The following GSE1 variants were observed in gnomAD, a reference collection of about 807,000 sequenced individuals.
GSE1 encodes the protein Gse1 coiled-coil protein.
Under a neutral mutation model 112.6 loss-of-function variants are expected in GSE1, and 32 were observed. The observed-to-expected ratio is 0.28, with a 90% CI of 0.21 to 0.38. The LOEUF (loss-of-function observed/expected upper bound fraction) is 0.38, where lower values mean the gene tolerates loss of function less well. GSE1 is among the 10% of genes least tolerant of loss of function. The probability of loss-of-function intolerance (pLI) is 1.00; values close to 1 mark genes in which losing one functional copy is unlikely to be tolerated. For missense variants in GSE1, 2,348 were observed against 1,699.2 expected (o/e 1.38, Z -6.71); for synonymous variants, 1,115 against 735.6 (o/e 1.52, Z -8.35).
intron 2 of GSE1, among the ~76,000 whole-genome samples, chr16:85,529,269 G>A (rs891846408): frequency 6.6e-6 from 1 of 152,210 alleles, no homozygotes; most frequent in Non-Finnish European, 1.5e-5. Context: ...AGGCCACGTC[G>A]GTGGCTCCGT....
intron 1 of GSE1, among the ~76,000 whole-genome samples, chr16:85,233,619 TGTGTGTGTGCATGTG>T (rs1235173741): frequency 2.0e-5 from 3 of 152,112 alleles, no homozygotes; most frequent in African/African-American, 7.2e-5. Flanking sequence ...CCTCTGCATG[TGTGTGTGTGCATGTG>T]GTGTGTGTGG....
intron 1 of GSE1, among the ~76,000 whole-genome samples, chr16:85,243,985 G>GT (rs1471640866): frequency 1.3e-5 from 2 of 152,180 alleles, no homozygotes; most frequent in African/African-American, 4.8e-5. Flanking sequence ...AATTAGCCAG[G>GT]TGTGGTGGCA....
At chr16:85,313,463 C>A (rs2045907445) in intron 1 of GSE1, among the ~76,000 whole-genome samples, 1 of 152,188 alleles carries the variant, frequency 6.6e-6, no homozygotes, top group African/African-American at 2.4e-5. Context: ...CTCTTGCAGA[C>A]AACGGGCCCC....
At chr16:85,630,353 C>T (rs527465941) in intron 1 of GSE1, among the ~76,000 whole-genome samples, 1 of 152,194 alleles carries the variant, frequency 6.6e-6, no homozygotes, top group Non-Finnish European at 1.5e-5. Context: ...TATAGACATT[C>T]TTTTTATTTT....
At chr16:85,219,149 A>G (rs1403687397) in intron 1 of GSE1, among the ~76,000 whole-genome samples, 1 of 152,146 alleles carries the variant, frequency 6.6e-6, no homozygotes, top group Non-Finnish European at 1.5e-5. Context: ...AAGTACTGGG[A>G]TTACAGGCAT....
At chr16:85,531,821 A>T (rs376500682) in intron 2 of GSE1, among the ~76,000 whole-genome samples, 1 of 152,300 alleles carries the variant, frequency 6.6e-6, no homozygotes, top group East Asian at 1.9e-4. Flanking sequence ...CAGGAAAAGG[A>T]CAACTTAAAC....
chr16:85,321,466 G>T (rs1420928873), intron 1 of GSE1, among the ~76,000 whole-genome samples: 1 of 152,050 alleles, frequency 6.6e-6, no homozygotes, highest in Admixed American at 6.6e-5. Context: ...GCCCCTGTTT[G>T]TACTAAAAAT....
At chr16:85,245,869 C>CTGCGTG (rs1031488101) in intron 1 of GSE1, among the ~76,000 whole-genome samples, 2 of 151,850 alleles carry the variant, frequency 1.3e-5, no homozygotes, top group African/African-American at 4.8e-5. Context: ...GTTCTGCCTC[C>CTGCGTG]TGCGTGTGCG....
intron 2 of GSE1, among the ~76,000 whole-genome samples, chr16:85,647,218 A>G (rs1298459000): frequency 6.6e-6 from 1 of 151,918 alleles, no homozygotes; most frequent in Non-Finnish European, 1.5e-5. Flanking sequence ...GGCTGTAGCC[A>G]CCAGTCACCC....
chr16:85,519,284 C>T (rs1177238118), intron 2 of GSE1, among the ~76,000 whole-genome samples: 4 of 113,264 alleles, frequency 3.5e-5, no homozygotes, highest in East Asian at 3.9e-4. Flanking sequence ...ATCACCATCA[C>T]CACCACCATC....
At chr16:85,243,076 G>C (rs1905285914) in intron 1 of GSE1, among the ~76,000 whole-genome samples, 1 of 152,238 alleles carries the variant, frequency 6.6e-6, no homozygotes, top group Admixed American at 6.5e-5. Flanking sequence ...GCTTCCCAAA[G>C]TGCTGGGATT....
intron 2 of GSE1, among the ~76,000 whole-genome samples, chr16:85,369,595 C>CT (rs2047252852): frequency 6.6e-6 from 1 of 152,162 alleles, no homozygotes; most frequent in Non-Finnish European, 1.5e-5. Flanking sequence ...TTAGATGCCC[C>CT]TCGCCACCCT....
chr16:85,618,392 G>T (rs1327595359), intron 1 of GSE1, among the ~76,000 whole-genome samples: 1 of 152,174 alleles, frequency 6.6e-6, no homozygotes, highest in Non-Finnish European at 1.5e-5. Context: ...TGCGGGTGAG[G>T]GTTGAGAAGG....
chr16:85,280,174 G>A (rs929614525), intron 1 of GSE1, among the ~76,000 whole-genome samples: 3 of 152,144 alleles, frequency 2.0e-5, no homozygotes, highest in South Asian at 2.1e-4. Flanking sequence ...CCCAGCAGGC[G>A]GTGCTTAAGA....
At chr16:85,631,076 C>A (rs1025041467) in intron 1 of GSE1, among the ~76,000 whole-genome samples, 35 of 152,336 alleles carry the variant, frequency 2.3e-4, no homozygotes, top group African/African-American at 7.2e-4. Flanking sequence ...CCTAGCGTCA[C>A]CCTCCTGAGT....
At chr16:85,231,105 A>G (rs1389182509) in intron 1 of GSE1, among the ~76,000 whole-genome samples, 4 of 118,142 alleles carry the variant, frequency 3.4e-5, no homozygotes, top group Non-Finnish European at 6.9e-5. Flanking sequence ...TGGACAGATG[A>G]ATGGATGGAT....
intron 2 of GSE1, among the ~76,000 whole-genome samples, chr16:85,386,375 C>A (rs1455341653): frequency 2.0e-5 from 3 of 152,140 alleles, no homozygotes; most frequent in African/African-American, 7.2e-5. Flanking sequence ...AGTCTCTTGC[C>A]CCATCTTACC....
chr16:85,356,081 G>A (rs2046945642), intron 1 of GSE1, among the ~76,000 whole-genome samples: 1 of 152,174 alleles, frequency 6.6e-6, no homozygotes, highest in African/African-American at 2.4e-5. Flanking sequence ...GGCATGGGAT[G>A]ACCCCCCTGC....
chr16:85,530,720 A>G (rs1190853892), intron 2 of GSE1, among the ~76,000 whole-genome samples: 1 of 152,250 alleles, frequency 6.6e-6, no homozygotes, highest in East Asian at 1.9e-4. Context: ...GGGGAATCCA[A>G]GTTCCCATTA....
Sources: allele counts gnomAD v4.1 joint callset (sites outside exome capture counted in the v4.1 genomes callset), GRCh38; gene constraint gnomAD v4.1.1; transcripts MANE v1.5; gene names NCBI Gene and HGNC (gene_info 2026-07-23, HGNC 2026-07-21).